Variants in MECOM observed in about 807,000 individuals in gnomAD.
The protein encoded by MECOM is histone-lysine N-methyltransferase MECOM.
MECOM carries 13 observed loss-of-function variants against 116.3 expected under a neutral mutation model. The ratio of observed to expected loss-of-function variants is 0.11; its 90% CI spans 0.07 to 0.18. The LOEUF (loss-of-function observed/expected upper bound fraction) is 0.18. MECOM is among the 10% of genes least tolerant of loss of function. The pLI is 1.00. For synonymous variants in MECOM, 528 were observed against 535.2 expected (o/e 0.99, Z 0.19); for missense variants, 1,299 against 1,509.0 (o/e 0.86, Z 2.31).
At chr3:169,187,052 T>A (rs757012285) in intron 2 of MECOM, among the ~76,000 whole-genome samples, 8 of 152,120 alleles carry the variant, frequency 5.3e-5, no homozygotes, top group Non-Finnish European at 1.0e-4. Flanking sequence ...AGAAAAGTAA[T>A]TTATTTACTG....
At chr3:169,243,128 T>A (rs1755098979) in intron 2 of MECOM, among the ~76,000 whole-genome samples, 2 of 152,222 alleles carry the variant, frequency 1.3e-5, no homozygotes, top group African/African-American at 2.4e-5. Flanking sequence ...TGGATGTTGT[T>A]CAGTTATTTG....
rs781142829 is a variant in MECOM at position 169,143,841 on chromosome 3, A to G, written c.376-9T>C. ...TAAAATTCGTCTAAGATCTGGAGGG[A>G]AGAAGATGAGAACAATCAATTGCCA... is the stretch of plus-strand genomic sequence containing the variant. On this transcript the variant is annotated splice_polypyrimidine_tract_variant and intron_variant, in intron 2 of 16. Transcript: ENST00000651503. 7 of 1,593,440 alleles carry G rather than the reference A, an allele frequency of 4.4e-6. No homozygotes were observed. The Admixed American group carries it at 1.2e-4, about 28-fold the overall frequency.
chr3:169,445,691 C>T (rs376730317), intron 1 of MECOM, among the ~76,000 whole-genome samples: 31 of 152,052 alleles, frequency 2.0e-4, no homozygotes, highest in African/African-American at 3.6e-4. Context: ...GTAGATCCAC[C>T]GACAGCTTGC....
intron 2 of MECOM, among the ~76,000 whole-genome samples, chr3:169,292,618 C>T (rs140499691): frequency 6.6e-6 from 1 of 152,200 alleles, no homozygotes; most frequent in African/African-American, 2.4e-5. Context: ...TTAAGGAGGG[C>T]CCTGAAAAGG....
At chr3:169,491,550 T>G (rs1400606134) in intron 1 of MECOM, among the ~76,000 whole-genome samples, 1 of 152,146 alleles carries the variant, frequency 6.6e-6, no homozygotes, top group Non-Finnish European at 1.5e-5. Flanking sequence ...AGACTTCAAT[T>G]TATCTTCATG....
rs181538415 is a variant in MECOM at position 169,354,570 on chromosome 3, C to G, written c.375+26617G>C. ...ACCCATAGGTTAAATCCTAGCCTAA[C>G]CTTTAACTTGTATCTTGGAAATACC... is the stretch of plus-strand genomic sequence containing the variant. On this transcript the variant is annotated intron_variant, in intron 2 of 16. Transcript: ENST00000651503. Among the ~76,000 whole-genome samples, 271 of 151,960 alleles carry G rather than the reference C, an allele frequency of 1.8e-3. 2 individuals carry two copies. The highest frequency in any genetic ancestry group is 6.3e-3 in the African/African-American group (260 of 41,494).
chr3:169,197,470 A>G (rs1748583905), intron 2 of MECOM, among the ~76,000 whole-genome samples: 1 of 152,016 alleles, frequency 6.6e-6, no homozygotes, highest in African/African-American at 2.4e-5. Context: ...AGGCTTCATG[A>G]CTGATTTCTA....
intron 1 of MECOM, among the ~76,000 whole-genome samples, chr3:169,508,384 T>C (rs1755556774): frequency 6.6e-6 from 1 of 151,816 alleles, no homozygotes; most frequent in South Asian, 2.1e-4. Flanking sequence ...TGATAGGAAA[T>C]TTGCTTCTAT....
chr3:169,362,744 C>T (rs748725696), intron 2 of MECOM, among the ~76,000 whole-genome samples: 4 of 151,936 alleles, frequency 2.6e-5, no homozygotes, highest in East Asian at 1.9e-4. Flanking sequence ...GTGTATATCA[C>T]GAATACACTT....
rs922381899 is a variant in MECOM, at chr3:169,658,411, C to T, written c.37+4925G>A. On this transcript the variant is annotated intron_variant, in intron 1 of 16. Transcript: ENST00000651503. ...AATGAGTGAGTGTGTGCCTGCCCTC[C>T]GCGCAAGAGTGCTCCTTGTCTTCCT... 5.3e-5 allele frequency among the ~76,000 whole-genome samples: 8 copies of T among 152,228 alleles called. No homozygotes were observed. In the East Asian group the frequency reaches 5.8e-4, roughly 11 times the overall value.
chr3:169,363,416 C>T (rs1206511201), intron 2 of MECOM, among the ~76,000 whole-genome samples: 1 of 151,892 alleles, frequency 6.6e-6, no homozygotes, highest in Non-Finnish European at 1.5e-5. Flanking sequence ...AACATTATTA[C>T]AATTATTCCT....
intron 7 of MECOM, among the ~76,000 whole-genome samples, chr3:169,118,949 G>A (rs1039819289): frequency 1.3e-5 from 2 of 152,196 alleles, no homozygotes; most frequent in Admixed American, 1.3e-4. Flanking sequence ...AATTGATGTT[G>A]AAGTTTATAC....
rs1382534660 is a variant in MECOM at position 169,084,604 on chromosome 3, GGGTAAA to G, written c.*299_*304del. On this transcript the variant is annotated 3_prime_UTR_variant, in exon 17 of 17. Coordinates refer to ENST00000651503, the MANE Select transcript of MECOM (RefSeq NM_004991.4). Reference sequence around the variant, plus strand: ...TCTCACCCACCCATACCCTAAGGTGGGGTAAACTGGAAGATGCCTTCAGCCCACCAA... The same window carrying G: ...TCTCACCCACCCATACCCTAAGGTGGCTGGAAGATGCCTTCAGCCCACCAA... 1 of 322,812 alleles carries G rather than the reference GGGTAAA, an allele frequency of 3.1e-6. No homozygotes were observed. The highest frequency in any genetic ancestry group is 5.8e-6 in the Non-Finnish European group (1 of 173,896). 20.0% of individuals were successfully genotyped at this position (322,812 alleles called of 1,614,324 possible).
At chr3:169,651,440 T>C (rs1774899003) in intron 1 of MECOM, among the ~76,000 whole-genome samples, 1 of 152,240 alleles carries the variant, frequency 6.6e-6, no homozygotes, top group Non-Finnish European at 1.5e-5. Context: ...TTTTAGCATC[T>C]ATGTTCATCA....
At position 169,144,913 on chromosome 3, in the gene MECOM, TA is replaced by T. The variant is rs1194406506; in HGVS notation, c.376-1082del. The stretch of plus-strand genomic sequence containing the variant: ...TGCATAACCACATAAAAGTTAAAAT[TA>T]AACTCTTGAGTACTGAGACCAAAAG... On this transcript the variant is annotated intron_variant, in intron 2 of 16. Transcript: ENST00000651503. The T allele has an allele frequency of 2.3e-5, 24 of 1,021,904 alleles. No individual in the cohort carries two copies. In the Middle Eastern group the frequency reaches 3.5e-3, roughly 148 times the overall value. The allele number at this position is 1,021,904 out of a possible 1,614,324, so 63.3% of individuals were successfully genotyped here. A position where few individuals can be genotyped will look rare whatever the true frequency, so the allele number is the denominator to read the frequency against.
At chr3:169,155,608 A>C (rs534203723) in intron 2 of MECOM, among the ~76,000 whole-genome samples, 1 of 152,308 alleles carries the variant, frequency 6.6e-6, no homozygotes, top group South Asian at 2.1e-4. Flanking sequence ...CAGAAGAAAA[A>C]CCGCACTAAC....
At chr3:169,635,345 T>C (rs1414907520) in intron 1 of MECOM, among the ~76,000 whole-genome samples, 1 of 152,222 alleles carries the variant, frequency 6.6e-6, no homozygotes, top group Non-Finnish European at 1.5e-5. Flanking sequence ...TATTCCTTAG[T>C]TTATAAGCCA....
At chr3:169,349,099 T>TC (rs1488073999) in intron 2 of MECOM, among the ~76,000 whole-genome samples, 1 of 150,486 alleles carries the variant, frequency 6.6e-6, no homozygotes, top group Non-Finnish European at 1.5e-5. Flanking sequence ...CCAGTGTTTT[T>TC]CTCCCTCACT....
intron 1 of MECOM, among the ~76,000 whole-genome samples, chr3:169,403,259 G>A (rs1449010147): frequency 6.6e-6 from 1 of 152,050 alleles, no homozygotes; most frequent in African/African-American, 2.4e-5. Flanking sequence ...CCAAATTAAT[G>A]TTTTGTATTA....
Sources: gnomAD v4.1 joint callset for allele counts (sites outside exome capture counted in the v4.1 genomes callset) on GRCh38, gnomAD v4.1.1 for gene constraint, MANE v1.5 for transcripts, NCBI Gene and HGNC (gene_info 2026-07-23, HGNC 2026-07-21) for gene names.